Variants in ULK4 observed in about 807,000 individuals in gnomAD.
ULK4 encodes unc-51 like kinase 4, also known as inactive serine/threonine-protein kinase ULK4.
Under a neutral mutation model 160.6 loss-of-function variants are expected in ULK4, and 133 were observed. That is an observed-to-expected ratio of 0.83 (90% CI 0.72 to 0.96). The LOEUF (loss-of-function observed/expected upper bound fraction) is 0.96. Among genes scored for constraint, ULK4 ranks in the 40% least tolerant of loss-of-function variants. ULK4 has a pLI of 0.00. For synonymous variants in ULK4, 534 were observed against 539.8 expected (o/e 0.99, Z 0.15); for missense variants, 1,580 against 1,499.5 (o/e 1.05, Z -0.89).
chr3:41,311,923 C>T (rs1453067799), intron 35 of ULK4, among the ~76,000 whole-genome samples: 1 of 145,032 alleles, frequency 6.9e-6, no homozygotes, highest in East Asian at 2.2e-4. Flanking sequence ...TCTAGATAAC[C>T]CTAATATAAA....
chr3:41,562,644 G>C (rs186718377), intron 32 of ULK4, among the ~76,000 whole-genome samples: 4 of 151,992 alleles, frequency 2.6e-5, no homozygotes, highest in African/African-American at 9.7e-5. Flanking sequence ...CATCTTTGTT[G>C]GTTTAAAGTC....
chr3:41,291,735 G>A (rs1016995942), intron 35 of ULK4, among the ~76,000 whole-genome samples: 4 of 152,158 alleles, frequency 2.6e-5, no homozygotes, highest in Non-Finnish European at 5.9e-5. Flanking sequence ...TGGGGCTTCT[G>A]GGGTACTGCG....
intron 35 of ULK4, among the ~76,000 whole-genome samples, chr3:41,360,942 CA>C (rs11342446): frequency 1 from 151,030 of 151,514 alleles, 75,273 homozygotes; most frequent in East Asian, 1. Context: ...AGTTGGAAAT[CA>C]AAAAAAAAGG....
chr3:41,458,672 G>A (rs1336697357), intron 33 of ULK4, among the ~76,000 whole-genome samples: 2 of 152,056 alleles, frequency 1.3e-5, no homozygotes, highest in African/African-American at 4.8e-5. Flanking sequence ...CACAGAAGTA[G>A]GTAATCAACA....
intron 2 of ULK4, among the ~76,000 whole-genome samples, chr3:41,952,168 C>T (rs894152774): frequency 6.6e-6 from 1 of 151,830 alleles, no homozygotes; most frequent in African/African-American, 2.4e-5. Context: ...GCGTAAGACA[C>T]CAAAGACACA....
intron 1 of ULK4, among the ~76,000 whole-genome samples, chr3:41,956,124 A>G (rs994338724): frequency 6.6e-6 from 1 of 152,198 alleles, no homozygotes; most frequent in Admixed American, 6.5e-5. Context: ...AGATGACCAC[A>G]ACCAATCAGA....
intron 19 of ULK4, among the ~76,000 whole-genome samples, chr3:41,803,126 G>A (rs534065130): frequency 2.7e-5 from 4 of 145,720 alleles, no homozygotes; most frequent in South Asian, 2.1e-4. Context: ...AGCCAAGATC[G>A]CACCACTGCA....
intron 34 of ULK4, among the ~76,000 whole-genome samples, chr3:41,409,008 C>CTAG (rs1445373713): frequency 2.0e-5 from 3 of 152,104 alleles, no homozygotes; most frequent in African/African-American, 7.2e-5. Context: ...CTAGTCCCAG[C>CTAG]ACCTTGGGAG....
chr3:41,771,061 T>C (rs762461060), intron 21 of ULK4, among the ~76,000 whole-genome samples: 1 of 152,224 alleles, frequency 6.6e-6, no homozygotes, highest in Non-Finnish European at 1.5e-5. Context: ...TTTTTTCTTA[T>C]ATTTGAAACA....
At chr3:41,846,101 C>T (rs567454112) in intron 17 of ULK4, among the ~76,000 whole-genome samples, 24 of 152,296 alleles carry the variant, frequency 1.6e-4, no homozygotes, top group South Asian at 6.2e-4. Context: ...AATAGACACA[C>T]ATCATATAAT....
At chr3:41,953,661 A>C (rs1387803557) in intron 2 of ULK4, among the ~76,000 whole-genome samples, 1 of 152,128 alleles carries the variant, frequency 6.6e-6, no homozygotes, top group Non-Finnish European at 1.5e-5. Flanking sequence ...ATTATCACCC[A>C]GTGTCCTTCC....
At chr3:41,626,967 T>C (rs2033544616) in intron 30 of ULK4, among the ~76,000 whole-genome samples, 1 of 152,146 alleles carries the variant, frequency 6.6e-6, no homozygotes. Flanking sequence ...CTGATAATAT[T>C]TAGATATAAA....
At chr3:41,306,758 A>G (rs1426684349) in intron 35 of ULK4, among the ~76,000 whole-genome samples, 69 of 151,888 alleles carry the variant, frequency 4.5e-4, no homozygotes, top group African/African-American at 1.6e-3. Flanking sequence ...GTGTCTGTGT[A>G]GAAAGAAGTA....
At chr3:41,724,993 T>C (rs1343064542) in intron 22 of ULK4, among the ~76,000 whole-genome samples, 1 of 152,210 alleles carries the variant, frequency 6.6e-6, no homozygotes, top group East Asian at 1.9e-4. Flanking sequence ...AGTAAGTCTG[T>C]ACATATTTCT....
intron 2 of ULK4, among the ~76,000 whole-genome samples, chr3:41,949,317 C>CAG (rs1559670965): frequency 6.7e-6 from 1 of 149,026 alleles, no homozygotes; most frequent in Non-Finnish European, 1.5e-5. Context: ...CACACACAGA[C>CAG]ACACACACAC....
intron 35 of ULK4, among the ~76,000 whole-genome samples, chr3:41,306,301 T>A (rs1575416487): frequency 7.9e-5 from 8 of 101,022 alleles, no homozygotes; most frequent in East Asian, 2.9e-4. Context: ...TACTGGGAAG[T>A]GAGGAGCCCC....
chr3:41,811,025 A>G (rs2040805904), intron 19 of ULK4, among the ~76,000 whole-genome samples: 1 of 151,316 alleles, frequency 6.6e-6, no homozygotes, highest in Admixed American at 6.6e-5. Context: ...CTGGGACTAC[A>G]GGCATGCACC....
At chr3:41,541,081 A>G (rs78020033) in intron 32 of ULK4, among the ~76,000 whole-genome samples, 129,077 of 152,182 alleles carry the variant, frequency 0.85, 55,199 homozygotes, top group Middle Eastern at 0.91. Flanking sequence ...TGCTTTTGGT[A>G]TTTTAGTCAT....
intron 1 of ULK4, among the ~76,000 whole-genome samples, chr3:41,957,149 A>C (rs1700509356): frequency 6.6e-6 from 1 of 152,176 alleles, no homozygotes; most frequent in Non-Finnish European, 1.5e-5. Context: ...TAATCTAAGT[A>C]ATTCATTAAA....
Sources: allele counts gnomAD v4.1 joint callset (sites outside exome capture counted in the v4.1 genomes callset), GRCh38; gene constraint gnomAD v4.1.1; transcripts MANE v1.5; gene names NCBI Gene and HGNC (gene_info 2026-07-23, HGNC 2026-07-21).